FSTL5: variants seen among roughly 807,000 people sequenced by gnomAD.
FSTL5 encodes the protein follistatin-related protein 5.
Under a neutral mutation model 89.1 loss-of-function variants are expected in FSTL5, and 62 were observed. The ratio of observed to expected loss-of-function variants is 0.70; its 90% CI spans 0.57 to 0.86. FSTL5 has a LOEUF of 0.86. FSTL5 is among the 40% of genes least tolerant of loss of function. The probability of loss-of-function intolerance (pLI) is 0.00; values close to 1 mark genes in which losing one functional copy is unlikely to be tolerated. For synonymous variants in FSTL5, 383 were observed against 346.2 expected (o/e 1.11, Z -1.18); for missense variants, 1,057 against 1,001.6 (o/e 1.06, Z -0.75).
chr4:161,434,938 A>G (rs1272435712), intron 15 of FSTL5, among the ~76,000 whole-genome samples: 1 of 152,100 alleles, frequency 6.6e-6, no homozygotes, highest in Non-Finnish European at 1.5e-5. Context: ...GCTGATGAGT[A>G]TGGGAAGAAA....
intron 6 of FSTL5, among the ~76,000 whole-genome samples, chr4:161,734,566 C>G (rs1301699685): frequency 1.3e-5 from 2 of 152,096 alleles, no homozygotes; most frequent in African/African-American, 2.4e-5. Flanking sequence ...GATTAGACAG[C>G]TTAAGAATAT....
intron 11 of FSTL5, among the ~76,000 whole-genome samples, chr4:161,503,885 C>G (rs1303588173): frequency 1.3e-5 from 2 of 151,082 alleles, no homozygotes; most frequent in Non-Finnish European, 3.0e-5. Context: ...GATTTTGGGC[C>G]AAGCCCAAAC....
chr4:161,461,288 C>CAAAAAAAA lies in FSTL5; in HGVS notation c.1609-1977_1609-1970dup, dbSNP rs781313697. On this transcript the variant is annotated intron_variant, in intron 13 of 15. Coordinates refer to ENST00000306100, the MANE Select transcript of FSTL5 (RefSeq NM_020116.5). ...CGAAACCCCGTCTCTACTAAAAATA[C>CAAAAAAAA]AAAAAAAACAAACAAACAAAAAAAT... Among the ~76,000 whole-genome samples, 123 of 71,942 alleles carry CAAAAAAAA rather than the reference C, an allele frequency of 1.7e-3. 2 individuals are homozygous for CAAAAAAAA. The highest frequency in any genetic ancestry group is 5.5e-3 in the African/African-American group (81 of 14,726). The allele number at this position is 71,942 out of a possible 152,430, so 47.2% of individuals were successfully genotyped here.
At chr4:161,592,738 G>A (rs1733868079) in intron 7 of FSTL5, among the ~76,000 whole-genome samples, 1 of 152,118 alleles carries the variant, frequency 6.6e-6, no homozygotes, top group Admixed American at 6.6e-5. Flanking sequence ...AAACATACGT[G>A]AGCAAGTGTC....
chr4:161,639,321 G>C (rs1484405320), intron 7 of FSTL5, among the ~76,000 whole-genome samples: 3 of 152,118 alleles, frequency 2.0e-5, no homozygotes, highest in African/African-American at 4.8e-5. Context: ...GATGGGATTG[G>C]CAAGATCACT....
At chr4:162,068,141 G>C (rs1461217923) in intron 2 of FSTL5, among the ~76,000 whole-genome samples, 1 of 152,084 alleles carries the variant, frequency 6.6e-6, no homozygotes, top group African/African-American at 2.4e-5. Context: ...GTAGTTTATA[G>C]ATTCAATGCT....
rs1318534861 is a variant in FSTL5, at chr4:161,386,111, A to T, written c.2180T>A (p.Ile727Lys). 2 of 1,613,972 alleles carry T rather than the reference A, an allele frequency of 1.2e-6. No homozygotes were observed. The highest frequency in any genetic ancestry group is 1.1e-5 in the South Asian group (1 of 91,084). The change falls in exon 16 of 16, where the codon ATA (isoleucine) becomes AAA (lysine). Residue 727 changes from isoleucine (I) to lysine (K), a missense_variant. Ile to Lys is a moderately radical substitution (Grantham distance 102). Around this residue, in one of 3 missense-constraint regions of FSTL5, gnomAD observed 980 missense variants for 903.2 expected, o/e 1.08. Coordinates refer to ENST00000306100, the MANE Select transcript of FSTL5 (RefSeq NM_020116.5). ...TGTGTAAATATCAAAAGCCTCCTGT[A>T]TTTCTCCTCTGATGGTAATGTACTG... is the stretch of plus-strand genomic sequence containing the variant. ...RVQYITIRGE[I>K]QEAFDIYTNL...
intron 3 of FSTL5, among the ~76,000 whole-genome samples, chr4:162,005,803 C>T (rs564787557): frequency 6.6e-6 from 1 of 152,200 alleles, no homozygotes; most frequent in Admixed American, 6.5e-5. Flanking sequence ...TGCAACTTGA[C>T]GAAGGCATAA....
chr4:161,774,774 T>G (rs1020401133), intron 5 of FSTL5, among the ~76,000 whole-genome samples: 17 of 148,270 alleles, frequency 1.1e-4, no homozygotes, highest in Non-Finnish European at 1.5e-5. Flanking sequence ...ACTAGTTATT[T>G]ATTCTTATTA....
At chr4:161,554,464 T>TG (rs1380446916) in intron 8 of FSTL5, among the ~76,000 whole-genome samples, 1 of 151,604 alleles carries the variant, frequency 6.6e-6, no homozygotes, top group Non-Finnish European at 1.5e-5. Flanking sequence ...CACTGATCTT[T>TG]CTTTAGAAGT....
intron 3 of FSTL5, among the ~76,000 whole-genome samples, chr4:161,957,751 A>T (rs1451683051): frequency 6.6e-6 from 1 of 151,984 alleles, no homozygotes; most frequent in Non-Finnish European, 1.5e-5. Flanking sequence ...GACATACCTA[A>T]CTACACATAC....
chr4:161,774,839 T>C (rs980167756), intron 5 of FSTL5, among the ~76,000 whole-genome samples: 2 of 152,080 alleles, frequency 1.3e-5, no homozygotes, highest in African/African-American at 2.4e-5. Flanking sequence ...TATGACAGCA[T>C]AGATATCCTA....
At chr4:161,670,918 A>G (rs540316733) in intron 6 of FSTL5, among the ~76,000 whole-genome samples, 2 of 152,308 alleles carry the variant, frequency 1.3e-5, no homozygotes, top group South Asian at 4.1e-4. Flanking sequence ...TTCATTTACA[A>G]TGGGAAAAGC....
At chr4:161,975,547 G>T (rs1214231348) in intron 3 of FSTL5, among the ~76,000 whole-genome samples, 1 of 141,952 alleles carries the variant, frequency 7.0e-6, no homozygotes, top group Admixed American at 7.3e-5. Flanking sequence ...GGTGGGAATT[G>T]AACAATGAGA....
intron 3 of FSTL5, among the ~76,000 whole-genome samples, chr4:161,935,601 A>T (rs1734410668): frequency 6.6e-6 from 1 of 152,116 alleles, no homozygotes; most frequent in Non-Finnish European, 1.5e-5. Flanking sequence ...AGGACTGTTC[A>T]TGGAAATCTT....
intron 3 of FSTL5, among the ~76,000 whole-genome samples, chr4:161,929,687 G>GTGTATA (rs1553983483): frequency 1.7e-5 from 2 of 116,506 alleles, no homozygotes; most frequent in African/African-American, 5.6e-5. Context: ...GTGTGTGTGT[G>GTGTATA]TGTGTGTGTG....
chr4:162,095,425 CA>C (rs1561015982), intron 2 of FSTL5, among the ~76,000 whole-genome samples: 1 of 152,036 alleles, frequency 6.6e-6, no homozygotes, highest in African/African-American at 2.4e-5. Context: ...CAGTTTTCTC[CA>C]AATGACTTAG....
intron 4 of FSTL5, among the ~76,000 whole-genome samples, chr4:161,790,046 T>C (rs1729406232): frequency 6.6e-6 from 1 of 152,216 alleles, no homozygotes. Flanking sequence ...AATAGGATGT[T>C]ATTATTTTTA....
chr4:162,001,677 A>G (rs1216038253), intron 3 of FSTL5, among the ~76,000 whole-genome samples: 1 of 151,958 alleles, frequency 6.6e-6, no homozygotes, highest in African/African-American at 2.4e-5. Context: ...TGATGTATAC[A>G]TGTTTAGTAC....
Sources: allele counts gnomAD v4.1 joint callset (sites outside exome capture counted in the v4.1 genomes callset), GRCh38; gene constraint gnomAD v4.1.1; regional missense constraint gnomAD v4.1.1; transcripts MANE v1.5; gene names NCBI Gene and HGNC (gene_info 2026-07-23, HGNC 2026-07-21).